Variants in STAM observed in about 807,000 individuals in gnomAD.
STAM encodes the protein signal transducing adaptor molecule, also known as signal transducing adapter molecule 1.
Under a neutral mutation model 63.4 loss-of-function variants are expected in STAM, and 16 were observed. The ratio of observed to expected loss-of-function variants is 0.25; its 90% CI spans 0.17 to 0.38. STAM has a LOEUF of 0.38. Among genes scored for constraint, STAM ranks in the 10% least tolerant of loss-of-function variants. The probability of loss-of-function intolerance (pLI) is 1.00; values close to 1 mark genes in which losing one functional copy is unlikely to be tolerated. For synonymous variants in STAM, 238 were observed against 223.9 expected (o/e 1.06, Z -0.56); for missense variants, 636 against 657.1 (o/e 0.97, Z 0.35).
intron 1 of STAM, among the ~76,000 whole-genome samples, chr10:17,650,639 A>G (rs1833699063): frequency 6.6e-6 from 1 of 152,200 alleles, no homozygotes. Flanking sequence ...GGTTTAGATC[A>G]CCACTCTCTC....
chr10:17,705,644 A>G lies in STAM; in HGVS notation c.1112A>G (p.Tyr371Cys), dbSNP rs1554829142. Residue 371 changes from tyrosine to cysteine, a missense_variant, in exon 12 of 14, where the codon TAT becomes TGT. Tyr to Cys is a radical substitution (Grantham distance 194). Around this residue, in one of 3 missense-constraint regions of STAM, gnomAD observed 532 missense variants for 536.9 expected, o/e 0.99. Coordinates refer to ENST00000377524, the MANE Select transcript of STAM (RefSeq NM_003473.4). The part of the protein sequence containing the change: ...NVKVMEALSL[Y>C]TKLMNEDPMY... ...AAAGTGATGGAGGCCCTTTCCTTAT[A>G]TACCAAGTTAATGAACGAAGATCCG... The G allele has an allele frequency of 1.9e-6, 3 of 1,614,064 alleles. No individual in the cohort carries two copies. Among genetic ancestry groups the G allele is most frequent in the Non-Finnish European group, 2.5e-6 (3 of 1,179,968 alleles).
At chr10:17,703,768 A>G (rs1554828830) in intron 9 of STAM, among the ~76,000 whole-genome samples, 1 of 152,068 alleles carries the variant, frequency 6.6e-6, no homozygotes, top group African/African-American at 2.4e-5. Context: ...TCCTTTTATG[A>G]CCAACTGAAA....
chr10:17,676,322 G>T lies in STAM; in HGVS notation c.126-8353G>T, dbSNP rs946202706. Among the ~76,000 whole-genome samples, 4 of 152,176 alleles carry T rather than the reference G, an allele frequency of 2.6e-5. No homozygotes were observed. In the East Asian group the frequency reaches 7.7e-4, roughly 29 times the overall value. Reference sequence around the variant, plus strand: ...GGGTATAGGGAGGATGTGATAGAGAGGAGCTCCATCTTAAATCTCCTTTCT... The same window carrying T: ...GGGTATAGGGAGGATGTGATAGAGATGAGCTCCATCTTAAATCTCCTTTCT... On this transcript the variant is annotated intron_variant, in intron 2 of 13. Transcript: ENST00000377524.
intron 2 of STAM, among the ~76,000 whole-genome samples, chr10:17,663,793 C>G (rs1834269123): frequency 6.6e-6 from 1 of 151,920 alleles, no homozygotes; most frequent in Admixed American, 6.6e-5. Flanking sequence ...TCAATAATTG[C>G]TCATGTATGT....
chr10:17,679,576 T>C (rs1361392611), intron 2 of STAM, among the ~76,000 whole-genome samples: 2 of 148,498 alleles, frequency 1.3e-5, no homozygotes, highest in Non-Finnish European at 3.0e-5. Flanking sequence ...TTAATTTGCG[T>C]GTGTTTTTTT....
intron 13 of STAM, among the ~76,000 whole-genome samples, chr10:17,710,343 C>CT (rs1836501668): frequency 6.6e-6 from 1 of 152,192 alleles, no homozygotes; most frequent in Non-Finnish European, 1.5e-5. Context: ...CTGCTGTTCT[C>CT]TGTGTGTGAC....
At chr10:17,690,653 G>C (rs1423482699) in intron 5 of STAM, among the ~76,000 whole-genome samples, 1 of 152,094 alleles carries the variant, frequency 6.6e-6, no homozygotes, top group Non-Finnish European at 1.5e-5. Context: ...CATCAGACTA[G>C]ATTTTTGTTA....
chr10:17,701,467 T>G (rs1054768652), intron 9 of STAM, among the ~76,000 whole-genome samples: 2 of 152,214 alleles, frequency 1.3e-5, no homozygotes, highest in Non-Finnish European at 2.9e-5. Context: ...GTTGCCTGTT[T>G]ATTGGAACAC....
chr10:17,706,860 C>T (rs1836308563), intron 12 of STAM, among the ~76,000 whole-genome samples: 1 of 151,866 alleles, frequency 6.6e-6, no homozygotes, highest in African/African-American at 2.4e-5. Flanking sequence ...ATCTAATGAA[C>T]TTCTAGTTAT....
chr10:17,695,884 A>G (rs1835734807), intron 7 of STAM: 1 of 152,218 alleles, frequency 6.6e-6, no homozygotes, highest in African/African-American at 2.4e-5. Flanking sequence ...AAACTACCGT[A>G]GACTAACTGG....
chr10:17,681,642 G>A (rs1347021312), intron 2 of STAM, among the ~76,000 whole-genome samples: 4 of 152,086 alleles, frequency 2.6e-5, no homozygotes, highest in African/African-American at 9.7e-5. Context: ...ATATTTTGAG[G>A]CTATCCTTTT....
chr10:17,651,821 G>T (rs1340750281), intron 1 of STAM, among the ~76,000 whole-genome samples: 1 of 151,818 alleles, frequency 6.6e-6, no homozygotes, highest in Non-Finnish European at 1.5e-5. Flanking sequence ...TTACATCTTC[G>T]GGCTGACTGA....
chr10:17,659,512 C>T (rs1834078745), intron 1 of STAM, among the ~76,000 whole-genome samples: 2 of 128,732 alleles, frequency 1.6e-5, no homozygotes, highest in African/African-American at 6.0e-5. Context: ...GCTCTGTTGC[C>T]TAACTGGAGT....
At chr10:17,683,947 G>A (rs541820708) in intron 2 of STAM, among the ~76,000 whole-genome samples, 1 of 152,304 alleles carries the variant, frequency 6.6e-6, no homozygotes, top group Non-Finnish European at 1.5e-5. Context: ...ATTCGTCTGT[G>A]GCTTATGTTG....
chr10:17,683,764 G>T (rs1408142715), intron 2 of STAM, among the ~76,000 whole-genome samples: 1 of 152,000 alleles, frequency 6.6e-6, no homozygotes, highest in Non-Finnish European at 1.5e-5. Flanking sequence ...TGTTATTTCT[G>T]CATTCTCAGT....
At chr10:17,645,315 C>T (rs1833478014) in intron 1 of STAM, among the ~76,000 whole-genome samples, 1 of 152,132 alleles carries the variant, frequency 6.6e-6, no homozygotes, top group Non-Finnish European at 1.5e-5. Context: ...TGAATAAGGA[C>T]AACCTTATGA....
intron 7 of STAM, chr10:17,696,023 G>A (rs188638816): frequency 6.6e-6 from 1 of 152,114 alleles, no homozygotes; most frequent in Admixed American, 6.6e-5. Context: ...GAGCCCTCTG[G>A]GGTCTCTTTT....
rs529530445 is a variant in STAM at position 17,667,158 on chromosome 10, C to G, written c.125+6610C>G. 6.8e-3 allele frequency among the ~76,000 whole-genome samples: 1,017 copies of G among 148,676 alleles called. 13 individuals carry two copies. The highest frequency in any genetic ancestry group is 0.023 in the African/African-American group (936 of 40,386). On this transcript the variant is annotated intron_variant, in intron 2 of 13. Coordinates refer to ENST00000377524, the MANE Select transcript of STAM (RefSeq NM_003473.4). ...TTTTTTTTTTTGAGACAGAGTTTCA[C>G]TTTTGTTGCCCAGGCTGGAGTGCGA...
At chr10:17,699,123 T>C (rs1554827998) in intron 8 of STAM, among the ~76,000 whole-genome samples, 1 of 152,264 alleles carries the variant, frequency 6.6e-6, no homozygotes, top group Non-Finnish European at 1.5e-5. Flanking sequence ...TATGGGCTAG[T>C]AGAGCAAGAT....
Sources: allele counts gnomAD v4.1 joint callset (sites outside exome capture counted in the v4.1 genomes callset), GRCh38; gene constraint gnomAD v4.1.1; regional missense constraint gnomAD v4.1.1; transcripts MANE v1.5; gene names NCBI Gene and HGNC (gene_info 2026-07-23, HGNC 2026-07-21).